Variants in GASK1B observed in about 807,000 individuals in gnomAD.
The protein encoded by GASK1B is Golgi-associated kinase 1B.
Under a neutral mutation model 42.8 loss-of-function variants are expected in GASK1B, and 34 were observed. That is an observed-to-expected ratio of 0.79 (90% confidence interval 0.60 to 1.06). The LOEUF (loss-of-function observed/expected upper bound fraction) is 1.06, where lower values mean the gene tolerates loss of function less well. Ranked by LOEUF, GASK1B falls within the 50% of genes least tolerant of loss-of-function variation. The pLI, the probability that GASK1B is intolerant of heterozygous loss-of-function variation, is 0.00. For synonymous variants in GASK1B, 262 were observed against 259.1 expected (o/e 1.01, Z -0.11); for missense variants, 686 against 661.0 (o/e 1.04, Z -0.42).
chr4:158,130,709 A>G (rs2110926300), intron 4 of GASK1B, 77 bp downstream of exon 4: 1 of 1,062,784 alleles, frequency 9.4e-7, no homozygotes, highest in Non-Finnish European at 1.4e-6. Context: ...ATCAGATGTA[A>G]GATGTGAGTT....
intron 3 of GASK1B, among the ~76,000 whole-genome samples, chr4:158,138,245 T>C (rs1325443290): frequency 1.3e-5 from 2 of 152,202 alleles, no homozygotes; most frequent in Non-Finnish European, 2.9e-5. Flanking sequence ...CAATCTATTT[T>C]TGGAGAAAGA....
chr4:158,153,884 A>G (rs1046091392), intron 3 of GASK1B, among the ~76,000 whole-genome samples: 15 of 152,184 alleles, frequency 9.9e-5, no homozygotes, highest in African/African-American at 3.6e-4. Flanking sequence ...TAAATATAGA[A>G]TCTGAAACCA....
At chr4:158,146,291 T>C (rs978605566) in intron 3 of GASK1B, among the ~76,000 whole-genome samples, 2 of 152,122 alleles carry the variant, frequency 1.3e-5, no homozygotes, top group Non-Finnish European at 2.9e-5. Flanking sequence ...TCAAAAATAA[T>C]TAAAACTTAA....
intron 3 of GASK1B, among the ~76,000 whole-genome samples, chr4:158,150,205 G>A (rs544158688): frequency 1.5e-4 from 23 of 152,090 alleles, no homozygotes; most frequent in African/African-American, 2.2e-4. Context: ...GATTACAGGC[G>A]TAAGCCACCG....
chr4:158,170,120 T>A lies in GASK1B; in HGVS notation c.910+346A>T, dbSNP rs976646460. On this transcript the variant is annotated intron_variant, in intron 2 of 4. Coordinates refer to ENST00000585682, the MANE Select transcript of GASK1B (RefSeq NM_001128424.2). The stretch of plus-strand genomic sequence containing the variant: ...ATAGTATGCCTGACTGTCAGCAAGT[T>A]CTTTGCCTCCAGCCTAGCTTCCTCT... 8 of 1,009,300 alleles carry A rather than the reference T, an allele frequency of 7.9e-6. No homozygotes were observed. In the South Asian group the frequency reaches 1.3e-4, roughly 17 times the overall value. 62.5% of individuals were successfully genotyped at this position (1,009,300 alleles called of 1,614,324 possible). A position where few individuals can be genotyped will look rare whatever the true frequency, so the allele number is the denominator to read the frequency against.
chr4:158,163,566 C>T (rs1167806690), intron 2 of GASK1B, among the ~76,000 whole-genome samples: 1 of 143,474 alleles, frequency 7.0e-6, no homozygotes, highest in East Asian at 2.0e-4. Flanking sequence ...AAGACTCTGT[C>T]TCAGAAAAAA....
At chr4:158,149,153 C>T (rs965621977) in intron 3 of GASK1B, among the ~76,000 whole-genome samples, 1 of 152,194 alleles carries the variant, frequency 6.6e-6, no homozygotes, top group Non-Finnish European at 1.5e-5. Context: ...ACTCTTCCTC[C>T]ACTATTTTAT....
At chr4:158,153,376 T>G (rs775475242) in intron 3 of GASK1B, among the ~76,000 whole-genome samples, 2 of 152,162 alleles carry the variant, frequency 1.3e-5, no homozygotes, top group Non-Finnish European at 2.9e-5. Flanking sequence ...TGGTAACACA[T>G]CCAATGTGAG....
chr4:158,163,385 A>T (rs1481704469), intron 2 of GASK1B, among the ~76,000 whole-genome samples: 1 of 152,184 alleles, frequency 6.6e-6, no homozygotes, highest in Non-Finnish European at 1.5e-5. Flanking sequence ...CCTAGCCAAC[A>T]TGGTGAAACC....
intron 3 of GASK1B, among the ~76,000 whole-genome samples, chr4:158,150,944 T>C (rs754751219): frequency 7.2e-5 from 11 of 152,214 alleles, no homozygotes; most frequent in Non-Finnish European, 1.6e-4. Context: ...GACTCTGTGC[T>C]AAACTGGTTT....
chr4:158,160,881 C>T (rs1731954405), intron 2 of GASK1B, among the ~76,000 whole-genome samples: 1 of 151,914 alleles, frequency 6.6e-6, no homozygotes, highest in African/African-American at 2.4e-5. Flanking sequence ...ACTGCATGAC[C>T]TCTCTTATAT....
At chr4:158,128,131 T>A (rs1300933035) in intron 4 of GASK1B, among the ~76,000 whole-genome samples, 5 of 152,156 alleles carry the variant, frequency 3.3e-5, no homozygotes, top group Admixed American at 1.3e-4. Context: ...TAAAATGAGA[T>A]AAGATTCATT....
chr4:158,171,338 C>T lies in GASK1B; in HGVS notation c.38G>A (p.Trp13Ter), dbSNP rs778921308. 6.2e-7 allele frequency: 1 copy of T among 1,608,646 alleles called. No individual in the cohort carries two copies. The highest frequency in any genetic ancestry group is 8.5e-7 in the Non-Finnish European group (1 of 1,176,948). ...CGGGACGCACAGGGAGCAGATGAAC[C>T]AGTTTATGAGCTGCCCCGGCTTGTC... ...CPDKPGQLIN[W>*]FICSLCVPRV... The change falls in exon 2 of 5, where the codon TGG (tryptophan) becomes TAG (stop). Residue 13 changes from tryptophan to a stop codon, truncating the protein, a stop_gained. Transcript: ENST00000585682. LOFTEE classifies it high-confidence loss of function.
intron 3 of GASK1B, among the ~76,000 whole-genome samples, chr4:158,133,263 CATT>C (rs1291773937): frequency 1.3e-5 from 2 of 152,080 alleles, no homozygotes; most frequent in Non-Finnish European, 2.9e-5. Context: ...ATTTTATCAT[CATT>C]GTTTTATCTA....
chr4:158,127,662 G>C (rs941034561), intron 4 of GASK1B, 48 bp from the exon 5 acceptor site: 3 of 1,517,518 alleles, frequency 2.0e-6, no homozygotes, highest in African/African-American at 2.8e-5. Flanking sequence ...CTTGGGAATA[G>C]TACTCCTTAC....
At chr4:158,163,126 T>C (rs761187832) in intron 2 of GASK1B, among the ~76,000 whole-genome samples, 8 of 152,234 alleles carry the variant, frequency 5.3e-5, no homozygotes, top group Non-Finnish European at 8.8e-5. Flanking sequence ...TTATCCACTA[T>C]AAGCTCCAAG....
intron 4 of GASK1B, among the ~76,000 whole-genome samples, chr4:158,129,180 A>T (rs1026147944): frequency 5.9e-5 from 9 of 152,228 alleles, no homozygotes; most frequent in African/African-American, 1.9e-4. Context: ...CTCATAATGC[A>T]TTTAAATGTA....
chr4:158,131,469 T>C (rs1730680424), intron 3 of GASK1B, among the ~76,000 whole-genome samples: 1 of 152,206 alleles, frequency 6.6e-6, no homozygotes, highest in Admixed American at 6.5e-5. Flanking sequence ...TATCTGGACT[T>C]CAGTATTACA....
chr4:158,136,349 C>A (rs1197722346), intron 3 of GASK1B, among the ~76,000 whole-genome samples: 1 of 151,840 alleles, frequency 6.6e-6, no homozygotes, highest in Admixed American at 6.6e-5. Flanking sequence ...TAGCAGGACC[C>A]CCAGAAAATG....
Sources: allele counts gnomAD v4.1 joint callset (sites outside exome capture counted in the v4.1 genomes callset), GRCh38; gene constraint gnomAD v4.1.1; transcripts MANE v1.5; gene names NCBI Gene and HGNC (gene_info 2026-07-23, HGNC 2026-07-21).